LTN1: variants seen among roughly 807,000 people sequenced by gnomAD.
LTN1 encodes listerin E3 ubiquitin protein ligase 1, also known as E3 ubiquitin-protein ligase listerin.
In LTN1, 88 loss-of-function variants were observed where a neutral mutation model predicts 201.2. That is an observed-to-expected ratio of 0.44 (90% CI 0.37 to 0.52). LTN1 has a LOEUF of 0.52. Among genes scored for constraint, LTN1 ranks in the 20% least tolerant of loss-of-function variants. LTN1 has a pLI of 0.00. For synonymous variants in LTN1, 645 were observed against 713.5 expected (o/e 0.90, Z 1.53); for missense variants, 1,752 against 2,038.7 (o/e 0.86, Z 2.71).
intron 29 of LTN1, 90 bp downstream of exon 29, chr21:28,931,065 A>AGGTG (rs2084206463): frequency 1.5e-6 from 1 of 647,724 alleles, no homozygotes; most frequent in African/African-American, 2.7e-5. Flanking sequence ...GACATTGTGT[A>AGGTG]GGTGTGTGTG....
intron 11 of LTN1, chr21:28,964,537 T>C: frequency 6.8e-7 from 1 of 1,467,988 alleles, no homozygotes; most frequent in South Asian, 1.4e-5. Context: ...AAAATACTTG[T>C]GTAACTTGCT....
Position 28,932,682 on chromosome 21 carries a change from A to C in LTN1, c.4876-18T>G, listed in dbSNP as rs762622990. ...GCTTTAACCTGCAATACAACAAAGG[A>C]TATTTTGTTTGCCAAATTTCTGTCT... On this transcript the variant is annotated intron_variant, in intron 27 of 29. Coordinates refer to ENST00000361371, the MANE Select transcript of LTN1 (RefSeq NM_015565.3). The C allele has an allele frequency of 6.4e-7, 1 of 1,566,484 alleles. No individual in the cohort carries two copies. The highest frequency in any genetic ancestry group is 8.7e-7 in the Non-Finnish European group (1 of 1,153,418).
Position 28,986,686 on chromosome 21 carries a change from C to G in LTN1, c.246+45G>C, listed in dbSNP as rs781775727. 1 of 1,419,260 alleles carries G rather than the reference C, an allele frequency of 7.0e-7. No individual in the cohort carries two copies. The highest frequency in any genetic ancestry group is 2.3e-5 in the East Asian group (1 of 43,740). 87.9% of individuals were successfully genotyped at this position (1,419,260 alleles called of 1,614,324 possible). ...ACATGCTAATGACATTTTATTTTAA[C>G]AAAGGGATTTTCTTGATAATTTTTA... On this transcript the variant is annotated intron_variant, in intron 2 of 29. Transcript: ENST00000361371. This position sits in a 1 kb window ranked among gnomAD's most constrained non-coding sequence, Gnocchi z 4.1.
In LTN1 at chr21:28,990,396, G is replaced by T. The variant is rs2084735445; in HGVS notation, c.42+2368C>A. Among the ~76,000 whole-genome samples the T allele has an allele frequency of 1.3e-5, 2 of 152,164 alleles. 1 individual carries two copies. The highest frequency in any genetic ancestry group is 4.1e-4 in the South Asian group (2 of 4,826). On this transcript the variant is annotated intron_variant, in intron 1 of 29. Transcript: ENST00000361371. ...ACCTCAGTTTCACCACATTTAAAATGAGATATGAGTAATTAATTCATTAGT... is the reference window on the plus strand; with the variant it reads ...ACCTCAGTTTCACCACATTTAAAATTAGATATGAGTAATTAATTCATTAGT...
In LTN1 at chr21:28,953,275, A is replaced by T; in HGVS notation, c.3181T>A (p.Tyr1061Asn). The T allele has an allele frequency of 6.2e-7, 1 of 1,605,152 alleles. No individual in the cohort carries two copies. Among genetic ancestry groups the T allele is most frequent in the Non-Finnish European group, 8.5e-7 (1 of 1,177,522 alleles). Residue 1061 changes from tyrosine (Y) to asparagine (N), a missense_variant, in exon 17 of 30, where the codon TAT (tyrosine) becomes AAT (asparagine). This residue lies in a region of LTN1 where 1,211 missense variants were observed against 1,312.8 expected (regional missense o/e 0.92). Coordinates refer to ENST00000361371, the MANE Select transcript of LTN1 (RefSeq NM_015565.3). ...TTACCAAGTACACGTAAGTTATCATACGTAATATTCATTTTTTGAAGTATT... is the reference window on the plus strand; with the variant it reads ...TTACCAAGTACACGTAAGTTATCATTCGTAATATTCATTTTTTGAAGTATT... Reference protein sequence around the residue: ...CEILQKMNITYDNLRVLGNTS... With the variant: ...CEILQKMNITNDNLRVLGNTS...
chr21:28,987,486 G>T (rs888672222), intron 1 of LTN1, among the ~76,000 whole-genome samples: 4 of 152,118 alleles, frequency 2.6e-5, no homozygotes, highest in African/African-American at 9.7e-5. Context: ...AGAGTTCCTT[G>T]AGAGTGGATA....
At chr21:28,985,463 TAA>T (rs747523082) in intron 3 of LTN1, among the ~76,000 whole-genome samples, 31 of 121,872 alleles carry the variant, frequency 2.5e-4, no homozygotes, top group Non-Finnish European at 2.5e-4. Flanking sequence ...CCGTCTCAAT[TAA>T]AAAAAAAAAA....
rs748524496 is a variant in LTN1, at chr21:28,966,478, A to G, written c.2013T>C (p.Asn671=). Residue 671 remains asparagine (N), a synonymous_variant, in exon 10 of 30, where the codon AAT becomes AAC. Transcript: ENST00000361371. ...AACCAAAATCCTTCCTTTGATCTTC[A>G]TTTAGCCAACCTATCAGTTTCTGGT... ...FLYQKLIGWL[N]EDQRKDFGFL... is the part of the protein sequence containing the mutation. 2.5e-6 allele frequency: 4 copies of G among 1,614,064 alleles called. No homozygotes were observed. The highest frequency in any genetic ancestry group is 2.7e-5 in the African/African-American group (2 of 74,944).
At chr21:28,932,115 T>G (rs2084215523) in intron 28 of LTN1, among the ~76,000 whole-genome samples, 1 of 152,244 alleles carries the variant, frequency 6.6e-6, no homozygotes, top group African/African-American at 2.4e-5. Context: ...CTGGGACTTC[T>G]CTAACCAAAG....
intron 1 of LTN1, among the ~76,000 whole-genome samples, chr21:28,989,888 T>C (rs2464624): frequency 0.89 from 134,611 of 151,746 alleles, 60,003 homozygotes; most frequent in South Asian, 0.95. Flanking sequence ...TGATGGTGCA[T>C]GCCTGTAATC....
chr21:28,987,344 C>T (rs2084706119), intron 1 of LTN1, among the ~76,000 whole-genome samples: 2 of 152,158 alleles, frequency 1.3e-5, no homozygotes, highest in Admixed American at 1.3e-4. Flanking sequence ...TATGTATACA[C>T]ATATGTATAC....
At chr21:28,971,207 G>A in intron 7 of LTN1, 64 bp downstream of exon 7, 4 of 1,323,484 alleles carry the variant, frequency 3.0e-6, no homozygotes, top group Non-Finnish European at 4.1e-6. Context: ...TTCCCAGTAA[G>A]TTTTGGATAT....
Position 28,992,630 on chromosome 21 carries a change from C to G in LTN1, c.42+134G>C. ...ACCGCTCTCAGGGACGCACACACAACAGAGAGGTCACACTCGACAGGGAAA... is the reference window on the plus strand; with the variant it reads ...ACCGCTCTCAGGGACGCACACACAAGAGAGAGGTCACACTCGACAGGGAAA... On this transcript the variant is annotated intron_variant, in intron 1 of 29. Transcript: ENST00000361371. The G allele has an allele frequency of 3.3e-6, 3 of 915,526 alleles. No individual in the cohort carries two copies. In the South Asian group the frequency reaches 4.6e-5, roughly 14 times the overall value. 56.7% of individuals were successfully genotyped at this position (915,526 alleles called of 1,614,324 possible).
In LTN1 at chr21:28,991,008, G is replaced by C. The variant is rs111381428; in HGVS notation, c.42+1756C>G. ...AAAAATAAGCTAGCCGTGATGGCCT[G>C]TACCTGTAGTCCTAGCTACTGGAAA... On this transcript the variant is annotated intron_variant, in intron 1 of 29. Coordinates refer to ENST00000361371, the MANE Select transcript of LTN1 (RefSeq NM_015565.3). 2.1e-3 allele frequency among the ~76,000 whole-genome samples: 316 copies of C among 152,222 alleles called. 1 individual carries two copies. The highest frequency in any genetic ancestry group is 7.5e-3 in the African/African-American group (310 of 41,524).
At chr21:28,953,405 A>T in intron 16 of LTN1, 29 bp from the exon 17 acceptor site, 5 of 1,539,890 alleles carry the variant, frequency 3.2e-6, no homozygotes, top group Non-Finnish European at 4.4e-6. Context: ...CCAAATTATG[A>T]AAAGCACTCT....
intron 6 of LTN1, among the ~76,000 whole-genome samples, chr21:28,976,277 T>A (rs1052925004): frequency 4.6e-5 from 7 of 152,180 alleles, no homozygotes; most frequent in Non-Finnish European, 8.8e-5. Flanking sequence ...TTTTTAAGAA[T>A]TATCATAGGA....
At chr21:28,954,828 A>G (rs187842599) in intron 16 of LTN1, among the ~76,000 whole-genome samples, 29 of 152,320 alleles carry the variant, frequency 1.9e-4, no homozygotes, top group Admixed American at 1.4e-3. Flanking sequence ...CTGAAACTAT[A>G]TAAAACAACT....
Position 28,958,373 on chromosome 21 carries a change from CA to C in LTN1, c.2747+12del. The C allele has an allele frequency of 6.3e-7, 1 of 1,593,398 alleles. No individual in the cohort carries two copies. On this transcript the variant is annotated intron_variant, in intron 14 of 29. Transcript: ENST00000361371. ...ATAAAAGAGACACTGAAACCAAGCT[CA>C]AAAAAGGTTACCTGTTGATATCCAA...
At chr21:28,970,829 A>G in intron 7 of LTN1, 87 bp from the exon 8 acceptor site, 1 of 995,910 alleles carries the variant, frequency 1.0e-6, no homozygotes, top group Non-Finnish European at 1.4e-6. Flanking sequence ...GCTCTCAAAA[A>G]GAAAAACCAA....
Sources: allele counts gnomAD v4.1 joint callset (sites outside exome capture counted in the v4.1 genomes callset), GRCh38; gene constraint gnomAD v4.1.1; regional missense constraint gnomAD v4.1.1; non-coding constraint Gnocchi (gnomAD v3.1); transcripts MANE v1.5; gene names NCBI Gene and HGNC (gene_info 2026-07-23, HGNC 2026-07-21).